DNMT1: variants seen among roughly 807,000 people sequenced by gnomAD.
DNMT1 encodes the protein DNA methyltransferase 1, also known as DNA (cytosine-5)-methyltransferase 1.
A neutral mutation model predicts 205.3 loss-of-function variants in DNMT1; 24 were observed. That is an observed-to-expected ratio of 0.12 (90% CI 0.08 to 0.16). The LOEUF (loss-of-function observed/expected upper bound fraction) is 0.16, where lower values mean the gene tolerates loss of function less well. Ranked by LOEUF, DNMT1 falls within the 10% of genes least tolerant of loss-of-function variation. The pLI, the probability that DNMT1 is intolerant of heterozygous loss-of-function variation, is 1.00. For synonymous variants in DNMT1, 817 were observed against 839.8 expected (o/e 0.97, Z 0.47); for missense variants, 1,293 against 2,177.7 (o/e 0.59, Z 8.09).
intron 1 of DNMT1, among the ~76,000 whole-genome samples, chr19:10,193,843 A>T (rs550431504): frequency 2.2e-4 from 33 of 152,084 alleles, no homozygotes; most frequent in Non-Finnish European, 4.4e-4. Flanking sequence ...ACGCCTGGTG[A>T]GGGTTCCTCT....
intron 22 of DNMT1, among the ~76,000 whole-genome samples, chr19:10,152,160 CAAAAAAAAAAAA>C (rs56725732): frequency 8.4e-4 from 12 of 14,332 alleles, no homozygotes; most frequent in African/African-American, 3.2e-3. Flanking sequence ...AACTCCATCT[CAAAAAAAAAAAA>C]AAAAAAAAAA....
chr19:10,163,818 G>A (rs1471223361), intron 11 of DNMT1, among the ~76,000 whole-genome samples: 6 of 152,162 alleles, frequency 3.9e-5, no homozygotes, highest in African/African-American at 1.4e-4. Context: ...TAAGGCAGGA[G>A]GATTGCTTGA....
Position 10,149,585 on chromosome 19 carries a change from G to A in DNMT1, c.2454C>T (p.Asp818=). 1 of 1,613,966 alleles carries A rather than the reference G, an allele frequency of 6.2e-7. No individual in the cohort carries two copies. Among genetic ancestry groups the A allele is most frequent in the Non-Finnish European group, 8.5e-7 (1 of 1,179,994 alleles). Residue 818 remains aspartate (D), a synonymous_variant, in exon 26 of 41, where the codon GAC becomes GAT. Transcript: ENST00000359526. ...FHAHWFCAGT[D]TVLGATSDPL... is the part of the protein sequence containing the mutation. ...GGTCCGACGTGGCCCCGAGGACTGT[G>A]TCTGTCCCAGCGCAGAACCAGTGGG...
chr19:10,143,688 C>A, intron 29 of DNMT1, 78 bp downstream of exon 29: 1 of 1,525,234 alleles, frequency 6.6e-7, no homozygotes. Flanking sequence ...ACTGTGGGTG[C>A]TATGCCACAA....
In DNMT1 at chr19:10,133,836, A is replaced by G; in HGVS notation, c.4865-135T>C. ...TAACAGCTGACCCAATAAGTGGCAG[A>G]GTGCTAAGGGAACGTTCACGGAGAC... On this transcript the variant is annotated intron_variant, in intron 40 of 40. Coordinates refer to ENST00000359526, the MANE Select transcript of DNMT1 (RefSeq NM_001130823.3). This position sits in a 1 kb window ranked among gnomAD's most constrained non-coding sequence, Gnocchi z 4.1. The G allele has an allele frequency of 1.0e-6, 1 of 989,330 alleles. No individual in the cohort carries two copies. The highest frequency in any genetic ancestry group is 1.4e-5 in the South Asian group (1 of 72,158). 61.3% of individuals were successfully genotyped at this position (989,330 alleles called of 1,614,324 possible).
At chr19:10,167,434 T>C (rs1351172573) in intron 10 of DNMT1, among the ~76,000 whole-genome samples, 1 of 152,070 alleles carries the variant, frequency 6.6e-6, no homozygotes, top group Non-Finnish European at 1.5e-5. Context: ...TGACCTCAAG[T>C]GATCCACCCG....
chr19:10,168,300 A>G (rs1245670131), intron 10 of DNMT1, 30 bp downstream of exon 10: 1 of 1,613,964 alleles, frequency 6.2e-7, no homozygotes, highest in Non-Finnish European at 8.5e-7. Context: ...GTTTCACAAC[A>G]AAGCACAAAG....
At chr19:10,167,531 C>A (rs2038722704) in intron 10 of DNMT1, among the ~76,000 whole-genome samples, 1 of 152,164 alleles carries the variant, frequency 6.6e-6, no homozygotes, top group African/African-American at 2.4e-5. Context: ...AAAAGTGCTA[C>A]TTTTCATTTC....
chr19:10,146,370 G>A lies in DNMT1; in HGVS notation c.2875C>T (p.Pro959Ser). The change falls in exon 28 of 41, where the codon CCT (proline) becomes TCT (serine). Residue 959 changes from proline to serine, a missense_variant. By Grantham distance (74) the Pro-to-Ser change is moderately conservative. Transcript: ENST00000359526. This position sits in a 1 kb window ranked among gnomAD's most constrained non-coding sequence, Gnocchi z 4.4. ...ACTTACTTGAACGTGAAGGCCTCAG[G>A]GGGCAGGTACACACCATCACCAACT... ...YRVGDGVYLPPEAFTFNIKLS... is the reference protein window; with the variant it reads ...YRVGDGVYLPSEAFTFNIKLS... The A allele has an allele frequency of 6.2e-7, 1 of 1,614,030 alleles. No homozygotes were observed. The highest frequency in any genetic ancestry group is 8.5e-7 in the Non-Finnish European group (1 of 1,180,016).
chr19:10,163,775 GC>G (rs1231249079), intron 11 of DNMT1, among the ~76,000 whole-genome samples: 2 of 152,184 alleles, frequency 1.3e-5, no homozygotes, highest in African/African-American at 4.8e-5. Flanking sequence ...GTGTGCAGTG[GC>G]ATGTGCCTGT....
At chr19:10,189,422 A>ATT (rs35245682) in intron 1 of DNMT1, among the ~76,000 whole-genome samples, 57 of 135,262 alleles carry the variant, frequency 4.2e-4, no homozygotes, top group Middle Eastern at 4.2e-3. Flanking sequence ...CGCCCAGCTG[A>ATT]TTTTTTTTTT....
In DNMT1 at chr19:10,190,118, G is replaced by T. The variant is rs983877877; in HGVS notation, c.80+4702C>A. Among the ~76,000 whole-genome samples, 11 of 152,168 alleles carry T rather than the reference G, an allele frequency of 7.2e-5. No homozygotes were observed. The South Asian group carries it at 1.7e-3, about 23-fold the overall frequency. On this transcript the variant is annotated intron_variant, in intron 1 of 40. Coordinates refer to ENST00000359526, the MANE Select transcript of DNMT1 (RefSeq NM_001130823.3). The stretch of plus-strand genomic sequence containing the variant: ...TTTTGCCTTATTCAGTATGTACTCA[G>T]TAGTAGCCAAGGAACTGGAGTTAAG...
chr19:10,146,288 C>A lies in DNMT1; in HGVS notation c.2894+63G>T, dbSNP rs2038198605. 1.3e-6 allele frequency: 2 copies of A among 1,598,868 alleles called. No homozygotes were observed. Among genetic ancestry groups the A allele is most frequent in the African/African-American group, 1.3e-5 (1 of 74,452 alleles). On this transcript the variant is annotated intron_variant, in intron 28 of 40. Transcript: ENST00000359526. The surrounding 1 kb of genome is among the most constrained non-coding windows in gnomAD (Gnocchi z 4.4). ...GCAATGTCTGTAAGGAGGGGGACAC[C>A]ACAAAGCCAGCCTGGCTCAGCCTGG...
chr19:10,151,549 C>G lies in DNMT1; in HGVS notation c.2118-4G>C, dbSNP rs540847022. ...CTTCATGGCCATATTGGGACACCTG[C>G]AATGTCACTGGTTATACCTAAGGCC... On this transcript the variant is annotated splice_region_variant and splice_polypyrimidine_tract_variant and intron_variant, in intron 23 of 40. Coordinates refer to ENST00000359526, the MANE Select transcript of DNMT1 (RefSeq NM_001130823.3). The surrounding 1 kb of genome is among the most constrained non-coding windows in gnomAD (Gnocchi z 5.0). 1 of 1,613,630 alleles carries G rather than the reference C, an allele frequency of 6.2e-7. No homozygotes were observed.
intron 27 of DNMT1, among the ~76,000 whole-genome samples, chr19:10,147,306 G>A (rs2038222108): frequency 6.7e-6 from 1 of 150,110 alleles, no homozygotes; most frequent in Non-Finnish European, 1.5e-5. Context: ...AAGAGGTTGG[G>A]TGATAAATAA....
At chr19:10,158,767 A>G (rs902694290) in intron 17 of DNMT1, among the ~76,000 whole-genome samples, 2 of 152,086 alleles carry the variant, frequency 1.3e-5, no homozygotes, top group African/African-American at 2.4e-5. Context: ...CCCAGCAACC[A>G]CCACACCAGA....
At position 10,146,578 on chromosome 19, in the gene DNMT1, C is replaced by T. The variant is rs1231845673; in HGVS notation, c.2721-54G>A. The T allele has an allele frequency of 2.4e-5, 39 of 1,606,328 alleles. No homozygotes were observed. Among genetic ancestry groups the T allele is most frequent in the Middle Eastern group, 1.7e-4 (1 of 6,024 alleles). On this transcript the variant is annotated intron_variant, in intron 27 of 40. Coordinates refer to ENST00000359526, the MANE Select transcript of DNMT1 (RefSeq NM_001130823.3). This position sits in a 1 kb window ranked among gnomAD's most constrained non-coding sequence, Gnocchi z 4.4. ...AGGCCCTGAGGTGGCCGGCAGTGGC[C>T]GCAGCAGCTACTGCCAGCTTAATCC...
chr19:10,192,844 C>T (rs2039327991), intron 1 of DNMT1, among the ~76,000 whole-genome samples: 2 of 151,832 alleles, frequency 1.3e-5, no homozygotes, highest in Non-Finnish European at 2.9e-5. Context: ...GTCAGGAGTT[C>T]GAGACCAGCC....
chr19:10,156,377 G>C lies in DNMT1; in HGVS notation c.1399+14C>G. The C allele has an allele frequency of 6.3e-7, 1 of 1,591,196 alleles. No individual in the cohort carries two copies. The highest frequency in any genetic ancestry group is 1.7e-4 in the Middle Eastern group (1 of 5,996). On this transcript the variant is annotated intron_variant, in intron 18 of 40. Coordinates refer to ENST00000359526, the MANE Select transcript of DNMT1 (RefSeq NM_001130823.3). The surrounding 1 kb of genome is among the most constrained non-coding windows in gnomAD (Gnocchi z 4.2). ...TAAAGTGTGCCCCAAACATAATCCC[G>C]GACTATTCCTTACCTTCAAGAGATG...
Sources: gnomAD v4.1 joint callset for allele counts (sites outside exome capture counted in the v4.1 genomes callset) on GRCh38, gnomAD v4.1.1 for gene constraint, Gnocchi (gnomAD v3.1) non-coding constraint, MANE v1.5 for transcripts, NCBI Gene and HGNC (gene_info 2026-07-23, HGNC 2026-07-21) for gene names.